The following LRIG1 variants were observed in gnomAD, a reference collection of about 807,000 sequenced individuals.
LRIG1 encodes leucine rich repeats and immunoglobulin like domains 1, also known as leucine-rich repeats and immunoglobulin-like domains protein 1.
A neutral mutation model predicts 99.2 loss-of-function variants in LRIG1; 48 were observed. The observed-to-expected ratio is 0.48, with a 90% CI of 0.38 to 0.62. The LOEUF (loss-of-function observed/expected upper bound fraction) is 0.62. Ranked by LOEUF, LRIG1 falls within the 20% of genes least tolerant of loss-of-function variation. The pLI is 0.00. For missense variants in LRIG1, 1,646 were observed against 1,434.4 expected, an observed-to-expected ratio of 1.15 and a Z score of -2.38; for synonymous variants, 772 against 596.1, an observed-to-expected ratio of 1.29 and a Z score of -4.30.
At position 66,398,200 on chromosome 3, in the gene LRIG1, A is replaced by G; in HGVS notation, c.1233-17T>C. ...CCAAGGTTCCTGAAACAGAACATACATTACTTATGCAAAGAAACCCTAGGT... is the reference window on the plus strand; with the variant it reads ...CCAAGGTTCCTGAAACAGAACATACGTTACTTATGCAAAGAAACCCTAGGT... On this transcript the variant is annotated splice_polypyrimidine_tract_variant and intron_variant, in intron 10 of 18. Transcript: ENST00000273261. The G allele has an allele frequency of 6.2e-6, 10 of 1,607,206 alleles. No homozygotes were observed. Among genetic ancestry groups the G allele is most frequent in the Non-Finnish European group, 7.7e-6 (9 of 1,173,820 alleles).
rs1200671431 is a variant in LRIG1, at chr3:66,384,155, C to T, written c.1907G>A (p.Gly636Glu). The T allele has an allele frequency of 1.2e-6, 2 of 1,614,216 alleles. No homozygotes were observed. Among genetic ancestry groups the T allele is most frequent in the Admixed American group, 3.3e-5 (2 of 60,028 alleles). ...ACGGGCAGCGGGGAAATCCGTGCCTCCATCCTTCTGCCAGGCAATCTGAGG... is the reference window on the plus strand; with the variant it reads ...ACGGGCAGCGGGGAAATCCGTGCCTTCATCCTTCTGCCAGGCAATCTGAGG... ...PNPQIAWQKD[G>E]GTDFPAARER... Residue 636 changes from glycine (G) to glutamate (E), a missense_variant, in exon 14 of 19, where the codon GGA becomes GAA. Gly to Glu is a moderately conservative substitution (Grantham distance 98, BLOSUM62 -2). Coordinates refer to ENST00000273261, the MANE Select transcript of LRIG1 (RefSeq NM_015541.3).
intron 3 of LRIG1, among the ~76,000 whole-genome samples, chr3:66,426,770 T>C (rs1702994641): frequency 6.6e-6 from 1 of 152,170 alleles, no homozygotes; most frequent in Non-Finnish European, 1.5e-5. Flanking sequence ...TCCTATATCC[T>C]TCCTCGTTTC....
chr3:66,393,328 G>C (rs1249691513), intron 12 of LRIG1, among the ~76,000 whole-genome samples: 1 of 152,222 alleles, frequency 6.6e-6, no homozygotes, highest in Non-Finnish European at 1.5e-5. Flanking sequence ...CTCCTGCTTA[G>C]AGCAAGCAAA....
chr3:66,413,292 A>C (rs948110492), intron 5 of LRIG1, among the ~76,000 whole-genome samples: 3 of 152,198 alleles, frequency 2.0e-5, no homozygotes, highest in African/African-American at 7.2e-5. Context: ...ACAGAAGAGA[A>C]CGCGTGTGTG....
intron 1 of LRIG1, among the ~76,000 whole-genome samples, chr3:66,474,326 T>C (rs1427887358): frequency 2.6e-5 from 4 of 151,636 alleles, no homozygotes; most frequent in African/African-American, 7.3e-5. Flanking sequence ...CCTCACCTCT[T>C]CCACAAGGTC....
rs143616236 is a variant in LRIG1 at position 66,462,442 on chromosome 3, C to T, written c.286G>A (p.Glu96Lys). Residue 96 changes from glutamate to lysine, a missense_variant, in exon 2 of 19, where the codon GAA becomes AAA. Transcript: ENST00000273261. ...GAGGTTTAGGGGGAGACTCACACTT[C>T]CTGTAGGTTCGGCAAGTCCTCAAAA... ...AGFEDLPNLQ[E>K]VYLNNNELTA... 2,498 of 1,611,588 alleles carry T rather than the reference C, an allele frequency of 1.6e-3. 11 individuals carry two copies. The highest frequency in any genetic ancestry group is 1.4e-3 in the Non-Finnish European group (1,623 of 1,178,502).
At chr3:66,382,678 G>A (rs748147083) in intron 15 of LRIG1, among the ~76,000 whole-genome samples, 5 of 152,212 alleles carry the variant, frequency 3.3e-5, no homozygotes, top group Admixed American at 6.5e-5. Context: ...CACTGTTTCA[G>A]GAACAACCTA....
At chr3:66,416,260 C>T (rs751179480) in intron 4 of LRIG1, among the ~76,000 whole-genome samples, 20 of 152,188 alleles carry the variant, frequency 1.3e-4, no homozygotes, top group Admixed American at 1.2e-3. Context: ...CCAACTCTGG[C>T]GCCCTAATGC....
intron 3 of LRIG1, among the ~76,000 whole-genome samples, chr3:66,420,826 C>T (rs1702783808): frequency 6.6e-6 from 1 of 152,130 alleles, no homozygotes; most frequent in South Asian, 2.1e-4. Flanking sequence ...GTGTATTAGT[C>T]CATTTTCATG....
intron 9 of LRIG1, 146 bp from the exon 10 acceptor site, chr3:66,399,187 A>C: frequency 1.5e-6 from 1 of 670,918 alleles, no homozygotes; most frequent in East Asian, 2.7e-5. Flanking sequence ...TGGAAAGCTG[A>C]CCTGCGCTGA....
chr3:66,394,625 C>T (rs754418113), intron 11 of LRIG1, among the ~76,000 whole-genome samples: 7 of 151,998 alleles, frequency 4.6e-5, no homozygotes, highest in Non-Finnish European at 1.0e-4. Context: ...CTGCCACCAT[C>T]CCCCCTCTGG....
chr3:66,435,876 C>G (rs746790648), intron 3 of LRIG1, among the ~76,000 whole-genome samples: 24 of 152,042 alleles, frequency 1.6e-4, no homozygotes, highest in Non-Finnish European at 2.8e-4. Context: ...ACGGTGGAAT[C>G]AGATGGAAAG....
In LRIG1 at chr3:66,446,187, C is replaced by A. The variant is rs146774514; in HGVS notation, c.365+5372G>T. On this transcript the variant is annotated intron_variant, in intron 3 of 18. Transcript: ENST00000273261. ...TATTGACTTTACTTCACCAACAGAT[C>A]CAGCCAAGAAGAGGGCTCAGGCCTT... Among the ~76,000 whole-genome samples, 67 of 152,210 alleles carry A rather than the reference C, an allele frequency of 4.4e-4. No homozygotes were observed. The East Asian group carries it at 0.01, about 23-fold the overall frequency.
rs758404611 is a variant in LRIG1, at chr3:66,380,213, CCT to C, written c.*48_*49del. The C allele has an allele frequency of 1.2e-5, 18 of 1,498,370 alleles. No individual in the cohort carries two copies. The highest frequency in any genetic ancestry group is 4.5e-5 in the East Asian group (2 of 44,134). 92.8% of individuals were successfully genotyped at this position (1,498,370 alleles called of 1,614,324 possible). On this transcript the variant is annotated 3_prime_UTR_variant, in exon 19 of 19. Transcript: ENST00000273261. ...CCAAGCTTCCTCGCAGCCTCTCCTA[CCT>C]CTCTTTCCCGTAGAGATTGGTATGA...
chr3:66,409,647 G>C (rs1215092269), intron 7 of LRIG1: 1 of 156,046 alleles, frequency 6.4e-6, no homozygotes, highest in Non-Finnish European at 1.4e-5. Flanking sequence ...AAGGAAGGTG[G>C]CGACTCCGAG....
chr3:66,463,062 TG>T (rs1016423564), intron 1 of LRIG1, among the ~76,000 whole-genome samples: 1 of 152,126 alleles, frequency 6.6e-6, no homozygotes, highest in Admixed American at 6.6e-5. Flanking sequence ...TACTGGCATC[TG>T]GTGGATACAA....
chr3:66,462,980 C>A (rs532920560), intron 1 of LRIG1, among the ~76,000 whole-genome samples: 1 of 152,208 alleles, frequency 6.6e-6, no homozygotes, highest in African/African-American at 2.4e-5. Flanking sequence ...TGATTTTGCC[C>A]CCCAGAGGAC....
At chr3:66,428,391 G>C (rs1385247176) in intron 3 of LRIG1, among the ~76,000 whole-genome samples, 1 of 152,052 alleles carries the variant, frequency 6.6e-6, no homozygotes, top group East Asian at 1.9e-4. Context: ...ATATAGCCTG[G>C]GGCCACCGAA....
chr3:66,431,157 T>A (rs1703160289), intron 3 of LRIG1, among the ~76,000 whole-genome samples: 1 of 152,130 alleles, frequency 6.6e-6, no homozygotes, highest in Admixed American at 6.5e-5. Flanking sequence ...CCCCTCTGAT[T>A]TCCCTTTGAG....
Sources: gnomAD v4.1 joint callset for allele counts (sites outside exome capture counted in the v4.1 genomes callset) on GRCh38, gnomAD v4.1.1 for gene constraint, MANE v1.5 for transcripts, NCBI Gene and HGNC (gene_info 2026-07-23, HGNC 2026-07-21) for gene names.